NUB1: variants seen among roughly 807,000 people sequenced by gnomAD.
NUB1 encodes the protein negative regulator of ubiquitin like proteins 1, also known as NEDD8 ultimate buster 1.
Under a neutral mutation model 77.1 loss-of-function variants are expected in NUB1, and 41 were observed. The observed-to-expected ratio is 0.53, with a 90% CI of 0.41 to 0.69. The LOEUF is 0.69. Ranked by LOEUF, NUB1 falls within the 30% of genes least tolerant of loss-of-function variation. The pLI, the probability that NUB1 is intolerant of heterozygous loss-of-function variation, is 0.00. For synonymous variants in NUB1, 257 were observed against 281.0 expected (o/e 0.91, Z 0.85); for missense variants, 643 against 743.8 (o/e 0.86, Z 1.58).
intron 7 of NUB1, among the ~76,000 whole-genome samples, chr7:151,358,746 C>CA (rs1797205207): frequency 6.6e-6 from 1 of 152,142 alleles, no homozygotes; most frequent in Non-Finnish European, 1.5e-5. Flanking sequence ...TAATGAACTT[C>CA]AAAAAATTTT....
Position 151,375,917 on chromosome 7 carries a change from A to G in NUB1, c.1465A>G (p.Ser489Gly), listed in dbSNP as rs1445068407. Residue 489 changes from serine (S) to glycine (G), a missense_variant, in exon 13 of 15, where the codon AGT becomes GGT. Ser to Gly is a moderately conservative substitution (Grantham distance 56). Transcript: ENST00000568733. The stretch of plus-strand genomic sequence containing the variant: ...TCCTGAAACCGACAACCGTCAAGAA[A>G]GTCCTTCCCAGGAAAACATTGACCG... ...SNPETDNRQE[S>G]PSQENIDRLV... The G allele has an allele frequency of 1.2e-6, 2 of 1,612,430 alleles. No individual in the cohort carries two copies. Among genetic ancestry groups the G allele is most frequent in the Admixed American group, 1.7e-5 (1 of 59,996 alleles).
In NUB1 at chr7:151,376,747, C is replaced by T. The variant is rs753322816; in HGVS notation, c.1605C>T (p.Pro535=). The change falls in exon 14 of 15, where the codon CCC becomes CCT. Residue 535 remains proline (P), a synonymous_variant. Transcript: ENST00000568733. ...CTCACAACGGAGGAAGCCTGCCTCC[C>T]GAGCTGCCGCTGTCGCCAGAAGACT... ...TLAHNGGSLP[P]ELPLSPEDSL... is the part of the protein sequence containing the mutation. The T allele has an allele frequency of 1.8e-5, 28 of 1,598,276 alleles. No individual in the cohort carries two copies. The highest frequency in any genetic ancestry group is 6.8e-5 in the East Asian group (3 of 44,082).
At chr7:151,359,615 T>C (rs1484781863) in intron 7 of NUB1, among the ~76,000 whole-genome samples, 2 of 147,620 alleles carry the variant, frequency 1.4e-5, no homozygotes, top group East Asian at 3.9e-4. Context: ...CCATCTCTAC[T>C]AAAAATACGA....
intron 7 of NUB1, among the ~76,000 whole-genome samples, chr7:151,358,552 C>T (rs894493175): frequency 6.6e-6 from 1 of 152,130 alleles, no homozygotes; most frequent in Non-Finnish European, 1.5e-5. Context: ...GGGATCTAGG[C>T]TGTGCACTCC....
intron 1 of NUB1, among the ~76,000 whole-genome samples, chr7:151,344,389 C>T (rs1017409933): frequency 1.3e-5 from 2 of 151,004 alleles, no homozygotes; most frequent in Non-Finnish European, 2.9e-5. Context: ...CGGCTCACTA[C>T]AACCTCTGCC....
intron 2 of NUB1, among the ~76,000 whole-genome samples, chr7:151,346,643 G>A (rs73472490): frequency 6.6e-6 from 1 of 152,302 alleles, no homozygotes; most frequent in South Asian, 2.1e-4. Flanking sequence ...TTCCAAATTG[G>A]TGAACACATC....
At chr7:151,363,775 TA>T (rs1458330559) in intron 8 of NUB1, among the ~76,000 whole-genome samples, 1 of 152,206 alleles carries the variant, frequency 6.6e-6, no homozygotes. Context: ...AAGTTTGGCT[TA>T]TTTTTTTATT....
In NUB1 at chr7:151,356,189, C is replaced by T. The variant is rs938473642; in HGVS notation, c.660C>T (p.Gly220=). Reference sequence around the variant, plus strand: ...ACTTAGACATAGCTAACCAGACAGGCAGATCAATCAGAATTCCCCCATCAG... The same window carrying T: ...ACTTAGACATAGCTAACCAGACAGGTAGATCAATCAGAATTCCCCCATCAG... ...TPYLDIANQT[G]RSIRIPPSER... Residue 220 remains glycine (G), a synonymous_variant, in exon 7 of 15, where the codon GGC becomes GGT. Transcript: ENST00000568733. 3.7e-6 allele frequency: 6 copies of T among 1,613,384 alleles called. No homozygotes were observed. Among genetic ancestry groups the T allele is most frequent in the Non-Finnish European group, 5.1e-6 (6 of 1,179,350 alleles).
intron 3 of NUB1, among the ~76,000 whole-genome samples, chr7:151,350,160 A>G (rs918510079): frequency 6.6e-6 from 1 of 152,222 alleles, no homozygotes; most frequent in African/African-American, 2.4e-5. Flanking sequence ...TGCTGCTGCT[A>G]TCTAGAAGGC....
intron 8 of NUB1, chr7:151,360,569 T>G (rs1441490310): frequency 1.3e-5 from 3 of 227,756 alleles, no homozygotes; most frequent in Non-Finnish European, 2.6e-5. Flanking sequence ...TATTGATGAT[T>G]ATTCCTCAAA....
intron 2 of NUB1, among the ~76,000 whole-genome samples, chr7:151,347,442 A>C (rs1796553412): frequency 6.6e-6 from 1 of 152,030 alleles, no homozygotes; most frequent in Admixed American, 6.5e-5. Flanking sequence ...ATATAGGTTT[A>C]TGTTACTTAC....
intron 3 of NUB1, among the ~76,000 whole-genome samples, chr7:151,350,358 CT>C (rs1347365990): frequency 1.3e-5 from 2 of 152,128 alleles, no homozygotes; most frequent in African/African-American, 4.8e-5. Context: ...CTTTCCCAGT[CT>C]GCTAAGTAAC....
intron 6 of NUB1, 21 bp from the exon 7 acceptor site, chr7:151,356,107 G>T: frequency 1.2e-6 from 2 of 1,600,836 alleles, no homozygotes; most frequent in Non-Finnish European, 1.7e-6. Context: ...GTTCATGGAG[G>T]TCCTTTTGGT....
At chr7:151,353,007 T>C (rs1188107963) in intron 5 of NUB1, 125 bp downstream of exon 5, 5 of 591,928 alleles carry the variant, frequency 8.4e-6, no homozygotes, top group Non-Finnish European at 1.5e-5. Context: ...AAAAGTGATT[T>C]AGAAGTTTAC....
At position 151,368,791 on chromosome 7, in the gene NUB1, G is replaced by A; in HGVS notation, c.1152G>A (p.Leu384=). The part of the protein sequence containing the change: ...YIDPSKVDNL[L]QLGFTAQEAR... The stretch of plus-strand genomic sequence containing the variant: ...ATCCATCAAAAGTGGACAATTTGTT[G>A]CAGTTGGGGTTTACTGCCCAGGAAG... The change falls in exon 11 of 15, where the codon TTG becomes TTA. Residue 384 remains leucine, a synonymous_variant. Coordinates refer to ENST00000568733, the MANE Select transcript of NUB1 (RefSeq NM_001243351.2). 6.2e-7 allele frequency: 1 copy of A among 1,613,974 alleles called. No individual in the cohort carries two copies. Among genetic ancestry groups the A allele is most frequent in the Non-Finnish European group, 8.5e-7 (1 of 1,179,876 alleles).
intron 10 of NUB1, among the ~76,000 whole-genome samples, 189 bp from the exon 11 acceptor site, chr7:151,368,546 T>C (rs1340115659): frequency 6.6e-6 from 1 of 152,224 alleles, no homozygotes; most frequent in Admixed American, 6.5e-5. Flanking sequence ...CTAAGTTATG[T>C]GAGTAGAGGT....
rs1376459774 is a variant in NUB1, at chr7:151,349,069, A to T, written c.118-4A>T. 3 of 1,595,596 alleles carry T rather than the reference A, an allele frequency of 1.9e-6. No individual in the cohort carries two copies. Among genetic ancestry groups the T allele is most frequent in the African/African-American group, 1.4e-5 (1 of 72,702 alleles). ...GTATTGCATTTTCTGATTTTTCTTGATAGGACCTTGCTAAGCAGTACTCTG... is the reference window on the plus strand; with the variant it reads ...GTATTGCATTTTCTGATTTTTCTTGTTAGGACCTTGCTAAGCAGTACTCTG... On this transcript the variant is annotated splice_polypyrimidine_tract_variant and splice_region_variant and intron_variant, in intron 2 of 14. Coordinates refer to ENST00000568733, the MANE Select transcript of NUB1 (RefSeq NM_001243351.2).
chr7:151,364,563 C>T (rs1290572337), intron 8 of NUB1, among the ~76,000 whole-genome samples: 2 of 152,110 alleles, frequency 1.3e-5, no homozygotes, highest in African/African-American at 4.8e-5. Flanking sequence ...CTCGCTCTGT[C>T]GCCCACGCTG....
chr7:151,347,029 T>C (rs1468340480), intron 2 of NUB1, among the ~76,000 whole-genome samples: 2 of 152,180 alleles, frequency 1.3e-5, no homozygotes, highest in Admixed American at 6.5e-5. Context: ...TTCCAGTTGG[T>C]GTCAGAATTG....
Sources: gnomAD v4.1 joint callset for allele counts (sites outside exome capture counted in the v4.1 genomes callset) on GRCh38, gnomAD v4.1.1 for gene constraint, MANE v1.5 for transcripts, NCBI Gene and HGNC (gene_info 2026-07-23, HGNC 2026-07-21) for gene names.